The following GOLGA8S variants were observed in gnomAD, a reference collection of about 807,000 sequenced individuals.
GOLGA8S encodes golgin A8 family member S, also known as golgin subfamily A member 8S.
In GOLGA8S, 23 loss-of-function variants were observed where a neutral mutation model predicts 58.9. The ratio of observed to expected loss-of-function variants is 0.39; its 90% CI spans 0.28 to 0.55. The LOEUF (loss-of-function observed/expected upper bound fraction) is 0.55. Among genes scored for constraint, GOLGA8S ranks in the 20% least tolerant of loss-of-function variants. The pLI, the probability that GOLGA8S is intolerant of heterozygous loss-of-function variation, is 0.63. For missense variants in GOLGA8S, 266 were observed against 514.2 expected (o/e 0.52, Z 4.67); for synonymous variants, 84 against 195.7 (o/e 0.43, Z 4.76).
rs746975296 is a variant in GOLGA8S at position 23,364,317 on chromosome 15, A to T, written c.1348-26A>T. 22 of 1,597,874 alleles carry T rather than the reference A, an allele frequency of 1.4e-5. No homozygotes were observed. The African/African-American group carries it at 2.8e-4, about 20-fold the overall frequency. ...CACCTGAGGGCAGGTCGCTGCCGAGATGTGACTACAATATTTTGGCTCCAG... is the reference window on the plus strand; with the variant it reads ...CACCTGAGGGCAGGTCGCTGCCGAGTTGTGACTACAATATTTTGGCTCCAG... On this transcript the variant is annotated intron_variant, in intron 15 of 18. Coordinates refer to ENST00000562295, the Ensembl canonical transcript of GOLGA8S.
In GOLGA8S at chr15:23,362,783, C is replaced by T. The variant is rs1409320884; in HGVS notation, c.1180-382C>T. Among the ~76,000 whole-genome samples, 20 of 143,972 alleles carry T rather than the reference C, an allele frequency of 1.4e-4. 1 individual carries two copies. Among genetic ancestry groups the T allele is most frequent in the Admixed American group, 1.4e-3 (20 of 14,608 alleles). 94.5% of individuals were successfully genotyped at this position (143,972 alleles called of 152,430 possible). A position where few individuals can be genotyped will look rare whatever the true frequency, so the allele number is the denominator to read the frequency against. ...TGCCCTCGCTACCCTATTAATGGGCCCAGAATCTGCAAACCAGCCACCATG... is the reference window on the plus strand; with the variant it reads ...TGCCCTCGCTACCCTATTAATGGGCTCAGAATCTGCAAACCAGCCACCATG... On this transcript the variant is annotated intron_variant, in intron 13 of 18. Transcript: ENST00000562295.
chr15:23,357,862 A>G (rs1045065912), intron 4 of GOLGA8S, among the ~76,000 whole-genome samples: 1 of 149,584 alleles, frequency 6.7e-6, no homozygotes, highest in East Asian at 1.9e-4. Flanking sequence ...ACGCCCTGGG[A>G]TTGTTGCCTC....
rs769823843 is a variant in GOLGA8S, at chr15:23,364,579, T to C, written c.1502T>C (p.Leu501Pro). The C allele has an allele frequency of 2.0e-4, 304 of 1,553,488 alleles. 3 individuals carry two copies. The highest frequency in any genetic ancestry group is 2.5e-4 in the Non-Finnish European group (293 of 1,151,142). ...GGGGGCCGTGCCAAAGATGCGGCAC[T>C]GGGAGGAGGACACCATCAGGCTGGA... Residue 501 changes from leucine (L) to proline (P), a missense_variant, in exon 17 of 19, where the codon CTG becomes CCG. This residue lies in a region of GOLGA8S where 88 missense variants were observed against 77.7 expected (regional missense o/e 1.13). Coordinates refer to ENST00000562295, the Ensembl canonical transcript of GOLGA8S.
chr15:23,357,454 C>CCA lies in GOLGA8S; in HGVS notation c.229-77_229-76dup. 1.3e-6 allele frequency: 2 copies of CCA among 1,515,548 alleles called. 1 individual carries two copies. The highest frequency in any genetic ancestry group is 2.4e-5 in the South Asian group (2 of 82,426). 93.9% of individuals were successfully genotyped at this position (1,515,548 alleles called of 1,614,324 possible). On this transcript the variant is annotated intron_variant, in intron 3 of 18. Coordinates refer to ENST00000562295, the Ensembl canonical transcript of GOLGA8S. Reference sequence around the variant, plus strand: ...GTGCCCCTCTGCCAGCTGAGACAGTCCACACACACCCCAGCCCTAATGATT... The same window carrying CCA: ...GTGCCCCTCTGCCAGCTGAGACAGTCCACACACACACCCCAGCCCTAATGATT...
At chr15:23,364,366 G>T (rs1392582967) in exon 16 of GOLGA8S, 1 of 1,602,932 alleles carries the variant, frequency 6.2e-7, no homozygotes, top group Non-Finnish European at 8.5e-7. Flanking sequence ...ACCACCTGGA[G>T]GAGAAGGCAG....
chr15:23,367,756 G>T (rs983824831), downstream of GOLGA8S, among the ~76,000 whole-genome samples: 2 of 151,820 alleles, frequency 1.3e-5, no homozygotes, highest in Non-Finnish European at 2.9e-5. Context: ...ACATTGGAAT[G>T]TTAGAGTTCA....
At chr15:23,365,598 C>G (rs929926339), downstream of GOLGA8S, 1 of 271,970 alleles carries the variant, frequency 3.7e-6, no homozygotes, top group African/African-American at 2.3e-5. Flanking sequence ...TTCGTTAGCT[C>G]AATATGTAGT....
chr15:23,358,190 AG>A (rs766853312), intron 4 of GOLGA8S, among the ~76,000 whole-genome samples: 3 of 149,540 alleles, frequency 2.0e-5, no homozygotes, highest in Non-Finnish European at 3.0e-5. Context: ...AGCTGGCAGA[AG>A]GGGGGGCCTT....
At chr15:23,365,413 G>A (rs911436980), downstream of GOLGA8S, 41 of 569,130 alleles carry the variant, frequency 7.2e-5, no homozygotes, top group African/African-American at 6.8e-4. Flanking sequence ...GCCCTTACGT[G>A]GTGGGGGTTC....
chr15:23,365,341 T>C, downstream of GOLGA8S: 1 of 629,164 alleles, frequency 1.6e-6, no homozygotes, highest in Admixed American at 3.0e-5. Flanking sequence ...CACTCTGGCA[T>C]CCTTTAGCAT....
exon 17 of GOLGA8S, chr15:23,364,574 G>C (rs3826014): frequency 2.0e-6 from 3 of 1,514,662 alleles, no homozygotes; most frequent in East Asian, 4.5e-5. Flanking sequence ...CCAAAGATGC[G>C]GCACTGGGAG....
At position 23,364,314 on chromosome 15, in the gene GOLGA8S, G is replaced by A. The variant is rs531889796; in HGVS notation, c.1348-29G>A. On this transcript the variant is annotated intron_variant, in intron 15 of 18. Coordinates refer to ENST00000562295, the Ensembl canonical transcript of GOLGA8S. ...TGCCACCTGAGGGCAGGTCGCTGCCGAGATGTGACTACAATATTTTGGCTC... is the reference window on the plus strand; with the variant it reads ...TGCCACCTGAGGGCAGGTCGCTGCCAAGATGTGACTACAATATTTTGGCTC... The A allele has an allele frequency of 6.6e-5, 105 of 1,597,528 alleles. 1 individual carries two copies. Among genetic ancestry groups the A allele is most frequent in the Middle Eastern group, 1.9e-4 (1 of 5,202 alleles).
intron 4 of GOLGA8S, among the ~76,000 whole-genome samples, chr15:23,358,027 G>A (rs1463562511): frequency 5.3e-5 from 8 of 150,606 alleles, no homozygotes; most frequent in Non-Finnish European, 8.9e-5. Flanking sequence ...GTTAGCTCTC[G>A]AGTCTGAGAT....
chr15:23,364,381 G>T (rs759871042), exon 16 of GOLGA8S: 25 of 1,603,294 alleles, frequency 1.6e-5, no homozygotes, highest in Non-Finnish European at 2.1e-5. Flanking sequence ...AGGCAGACCT[G>T]AGTGAGCTGG....
chr15:23,365,636 C>T (rs1358225038), downstream of GOLGA8S: 1 of 219,174 alleles, frequency 4.6e-6, no homozygotes, highest in African/African-American at 2.4e-5. Flanking sequence ...CTGTTTATTA[C>T]TTTGTAATAT....
exon 14 of GOLGA8S, chr15:23,363,184 G>A: frequency 9.7e-7 from 1 of 1,033,740 alleles, no homozygotes; most frequent in Non-Finnish European, 1.4e-6. Flanking sequence ...GAAGCTGCCA[G>A]CCAGCAGAAA....
downstream of GOLGA8S, chr15:23,365,158 C>G (rs139243742): frequency 6.3e-7 from 1 of 1,579,988 alleles, no homozygotes; most frequent in Non-Finnish European, 8.6e-7. Flanking sequence ...CAAAGAGCTG[C>G]TCAAGAAATT....
rs770907160 is a variant in GOLGA8S at position 23,365,065 on chromosome 15, C to A, written c.1809C>A (p.His603Gln). 7.6e-6 allele frequency: 12 copies of A among 1,580,622 alleles called. 1 individual carries two copies. In the South Asian group the frequency reaches 1.3e-4, roughly 18 times the overall value. ...CGATCGTGCAGGACCACCAGGAGCA[C>A]CCAGGCTTGGGCAACAACTGCTGTG... Residue 603 changes from histidine to glutamine, a missense_variant, in exon 19 of 19, where the codon CAC (histidine) becomes CAA (glutamine). Physicochemically the swap from His to Gln is conservative, Grantham distance 24. Transcript: ENST00000562295.
chr15:23,364,573 C>T lies in GOLGA8S; in HGVS notation c.1496C>T (p.Ala499Val), dbSNP rs771135150. 62 of 1,573,276 alleles carry T rather than the reference C, an allele frequency of 3.9e-5. 2 individuals carry two copies. The highest frequency in any genetic ancestry group is 3.0e-4 in the South Asian group (27 of 89,518). The change falls in exon 17 of 19, where the codon GCG (alanine) becomes GTG (valine). Residue 499 changes from alanine (A) to valine (V), a missense_variant. Transcript: ENST00000562295. ...GAACCAGGGGGCCGTGCCAAAGATG[C>T]GGCACTGGGAGGAGGACACCATCAG...
Sources: gnomAD v4.1 joint callset for allele counts (sites outside exome capture counted in the v4.1 genomes callset) on GRCh38, gnomAD v4.1.1 for gene constraint, gnomAD v4.1.1 regional missense constraint, MANE v1.5 for transcripts, NCBI Gene and HGNC (gene_info 2026-07-23, HGNC 2026-07-21) for gene names.